The following DIP2C variants were observed in gnomAD, a reference collection of about 807,000 sequenced individuals.
DIP2C encodes DIP2 acetate--CoA ligase C (putative).
DIP2C carries 33 observed loss-of-function variants against 192.4 expected under a neutral mutation model. The observed-to-expected ratio is 0.17, with a 90% confidence interval of 0.13 to 0.23. The LOEUF (loss-of-function observed/expected upper bound fraction) is 0.23. Among genes scored for constraint, DIP2C ranks in the 10% least tolerant of loss-of-function variants. DIP2C has a pLI of 1.00. For missense variants in DIP2C, 1,537 were observed against 2,110.1 expected, an observed-to-expected ratio of 0.73 and a Z score of 5.32; for synonymous variants, 979 against 864.1, an observed-to-expected ratio of 1.13 and a Z score of -2.33.
chr10:366,308 A>G lies in DIP2C; in HGVS notation c.2235T>C (p.Tyr745=). 2 of 1,613,946 alleles carry G rather than the reference A, an allele frequency of 1.2e-6. No homozygotes were observed. The highest frequency in any genetic ancestry group is 1.7e-6 in the Non-Finnish European group (2 of 1,179,944). Residue 745 remains tyrosine, a synonymous_variant, in exon 19 of 37, where the codon TAT becomes TAC. Coordinates refer to ENST00000280886, the MANE Select transcript of DIP2C (RefSeq NM_014974.3). ...TGTTCTTGGTCATGCCAGAGAGGCC[A>G]TAGTAGGACGTGCCCGTCGCAACTG... The part of the protein sequence containing the change: ...VCAVATGTSY[Y]GLSGMTKNTF...
At chr10:481,908 G>A (rs1843640512) in intron 2 of DIP2C, among the ~76,000 whole-genome samples, 1 of 152,216 alleles carries the variant, frequency 6.6e-6, no homozygotes, top group Non-Finnish European at 1.5e-5. Context: ...CCTGCCCAAT[G>A]TCCACTTTCC....
Position 293,376 on chromosome 10 carries a change from C to T in DIP2C, c.3987-4955G>A, listed in dbSNP as rs537339207. ...TGAGCTGCAGCACAGCCACGCTCAC[C>T]GTGTGAGGATGGCATTTATGAATGT... On this transcript the variant is annotated intron_variant, in intron 32 of 36. Transcript: ENST00000280886. Among the ~76,000 whole-genome samples the T allele has an allele frequency of 2.0e-4, 31 of 152,290 alleles. 1 individual carries two copies. In the South Asian group the frequency reaches 4.8e-3, roughly 23 times the overall value.
At chr10:309,642 T>A (rs1249602369) in intron 32 of DIP2C, among the ~76,000 whole-genome samples, 1 of 149,464 alleles carries the variant, frequency 6.7e-6, no homozygotes, top group Admixed American at 6.7e-5. Context: ...CACTGTAACC[T>A]CTGCCTCCCA....
At chr10:355,924 T>TA (rs1283036582) in intron 24 of DIP2C, among the ~76,000 whole-genome samples, 1 of 152,084 alleles carries the variant, frequency 6.6e-6, no homozygotes, top group Non-Finnish European at 1.5e-5. Context: ...ATACTAAAAA[T>TA]ACAAAAATTA....
intron 1 of DIP2C, among the ~76,000 whole-genome samples, chr10:577,015 G>A (rs771791562): frequency 1.3e-5 from 2 of 152,182 alleles, no homozygotes; most frequent in Non-Finnish European, 2.9e-5. Context: ...AGTTGATCCA[G>A]TTTTTTCTTA....
chr10:521,057 A>C (rs1846676002), intron 1 of DIP2C, among the ~76,000 whole-genome samples: 1 of 152,242 alleles, frequency 6.6e-6, no homozygotes, highest in South Asian at 2.1e-4. Flanking sequence ...ATTTAATATA[A>C]ATCCTGGACT....
chr10:342,428 G>T (rs1280149754), intron 28 of DIP2C, among the ~76,000 whole-genome samples: 4 of 152,176 alleles, frequency 2.6e-5, no homozygotes, highest in Non-Finnish European at 5.9e-5. Flanking sequence ...AAAGTGCTGG[G>T]ATTACAGGCA....
chr10:467,565 T>TAA (rs71376835), intron 3 of DIP2C, among the ~76,000 whole-genome samples: 11,285 of 130,176 alleles, frequency 0.087, 615 homozygotes, highest in East Asian at 0.16. Context: ...TATTTAAGTG[T>TAA]AAAAAAAAAA....
chr10:419,272 C>G (rs938342669), intron 5 of DIP2C, 73 bp from the exon 6 acceptor site: 2 of 1,600,780 alleles, frequency 1.2e-6, no homozygotes, highest in African/African-American at 1.3e-5. Context: ...AGCCACAGCC[C>G]AGGAAGAGAC....
In DIP2C at chr10:382,769, G is replaced by C; in HGVS notation, c.1877-8C>G. On this transcript the variant is annotated splice_polypyrimidine_tract_variant and splice_region_variant and intron_variant, in intron 16 of 36. Transcript: ENST00000280886. Reference sequence around the variant, plus strand: ...CGCAAGAAGAAATAGACCCTAGAGTGAAAGAGGGACAATGATCAGACAGCT... The same window carrying C: ...CGCAAGAAGAAATAGACCCTAGAGTCAAAGAGGGACAATGATCAGACAGCT... 6.3e-7 allele frequency: 1 copy of C among 1,585,390 alleles called. No homozygotes were observed. Among genetic ancestry groups the C allele is most frequent in the Non-Finnish European group, 8.6e-7 (1 of 1,158,700 alleles).
At chr10:582,398 TAAC>T (rs928997871) in intron 1 of DIP2C, among the ~76,000 whole-genome samples, 3 of 152,072 alleles carry the variant, frequency 2.0e-5, no homozygotes, top group African/African-American at 7.2e-5. Context: ...CGGGGCAACA[TAAC>T]AAGACCCCAT....
chr10:579,248 C>T (rs1436664147), intron 1 of DIP2C, among the ~76,000 whole-genome samples: 2 of 151,790 alleles, frequency 1.3e-5, no homozygotes, highest in African/African-American at 4.8e-5. Flanking sequence ...CATAGGTACA[C>T]TAACATGTGT....
chr10:372,947 A>G (rs925678801), intron 17 of DIP2C, among the ~76,000 whole-genome samples: 2 of 152,258 alleles, frequency 1.3e-5, no homozygotes, highest in Non-Finnish European at 2.9e-5. Flanking sequence ...CCAGTGCCCC[A>G]GGGGTACCCT....
At chr10:348,236 GA>G (rs1008235849) in intron 26 of DIP2C, among the ~76,000 whole-genome samples, 138 of 152,338 alleles carry the variant, frequency 9.1e-4, no homozygotes, top group African/African-American at 3.1e-3. Context: ...AGCTGTAGAC[GA>G]AGGAAAACAG....
rs537572515 is a variant in DIP2C at position 303,827 on chromosome 10, G to A, written c.3986+6204C>T. 3.3e-5 allele frequency among the ~76,000 whole-genome samples: 5 copies of A among 152,252 alleles called. No individual in the cohort carries two copies. The East Asian group carries it at 5.8e-4, about 18-fold the overall frequency. On this transcript the variant is annotated intron_variant, in intron 32 of 36. Transcript: ENST00000280886. Reference sequence around the variant, plus strand: ...CATGAGCCGCCGCGCCTGGCCGAAAGTTTTTTACTTTTTAAACTTTTTTTT... The same window carrying A: ...CATGAGCCGCCGCGCCTGGCCGAAAATTTTTTACTTTTTAAACTTTTTTTT...
intron 1 of DIP2C, among the ~76,000 whole-genome samples, chr10:518,601 G>A (rs540307444): frequency 2.2e-4 from 33 of 152,316 alleles, no homozygotes; most frequent in Non-Finnish European, 3.5e-4. Flanking sequence ...GAGAGAAGGC[G>A]TGTGCCAACC....
chr10:650,639 C>T (rs1412157198), intron 1 of DIP2C: 12 of 617,274 alleles, frequency 1.9e-5, no homozygotes, highest in South Asian at 1.2e-4. Flanking sequence ...GGGCCGGAGG[C>T]GGGGAAGCCA....
intron 32 of DIP2C, among the ~76,000 whole-genome samples, chr10:290,428 C>T (rs1161669466): frequency 6.6e-6 from 1 of 152,230 alleles, no homozygotes; most frequent in Non-Finnish European, 1.5e-5. Flanking sequence ...CGGTGCAACA[C>T]AAATGTGCTC....
chr10:397,924 CCT>C (rs1206972372), intron 10 of DIP2C, among the ~76,000 whole-genome samples: 1 of 152,192 alleles, frequency 6.6e-6, no homozygotes, highest in East Asian at 1.9e-4. Context: ...ACTCCCTCAT[CCT>C]CTGTTTGAAA....
Sources: allele counts gnomAD v4.1 joint callset (sites outside exome capture counted in the v4.1 genomes callset), GRCh38; gene constraint gnomAD v4.1.1; transcripts MANE v1.5; gene names NCBI Gene and HGNC (gene_info 2026-07-23, HGNC 2026-07-21).